The following KDM6A variants were observed in gnomAD, a reference collection of about 807,000 sequenced individuals.
KDM6A encodes lysine-specific demethylase 6A.
A neutral mutation model predicts 117.6 loss-of-function variants in KDM6A; 11 were observed. The observed-to-expected ratio is 0.09, with a 90% CI of 0.06 to 0.15. The LOEUF is 0.15. KDM6A is among the 10% of genes least tolerant of loss of function. KDM6A has a pLI of 1.00. For missense variants in KDM6A, 799 were observed against 1,077.3 expected, an observed-to-expected ratio of 0.74 and a Z score of 3.62; for synonymous variants, 384 against 396.1, an observed-to-expected ratio of 0.97 and a Z score of 0.36.
chrX:45,109,138 TAATA>T (rs1174868830), intron 28 of KDM6A, among the ~76,000 whole-genome samples: 1,220 of 91,530 alleles, frequency 0.013, 15 homozygotes, highest in African/African-American at 0.036. Flanking sequence ...ATAATAATAA[TAATA>T]AATAAATAAA....
At chrX:45,005,932 A>C (rs1392808222) in intron 4 of KDM6A, among the ~76,000 whole-genome samples, 4 of 93,484 alleles carry the variant, frequency 4.3e-5, no homozygotes, top group African/African-American at 1.2e-4. Context: ...AAGCCACCCC[A>C]ACCAAGGAGT....
intron 2 of KDM6A, among the ~76,000 whole-genome samples, chrX:44,937,281 T>G (rs1387592929): frequency 9.0e-6 from 1 of 111,415 alleles, no homozygotes; most frequent in Non-Finnish European, 1.9e-5. Context: ...TGGATTAACA[T>G]GAAAGAAGGA....
At chrX:44,966,137 T>C (rs2038998030) in intron 3 of KDM6A, among the ~76,000 whole-genome samples, 1 of 103,164 alleles carries the variant, frequency 9.7e-6, no homozygotes, top group African/African-American at 3.9e-5. Flanking sequence ...TATATATATA[T>C]TTTTTTTTTA....
At chrX:44,947,279 T>C (rs192621054) in intron 2 of KDM6A, among the ~76,000 whole-genome samples, 8,038 of 111,156 alleles carry the variant, frequency 0.072, 655 homozygotes, top group African/African-American at 0.24. Context: ...GATTTTGGCC[T>C]GTACTTTGGA....
In KDM6A at chrX:44,992,206, C is replaced by CTTTTTT. The variant is rs779979560; in HGVS notation, c.384+17521_384+17526dup. On this transcript the variant is annotated intron_variant, in intron 4 of 29. Transcript: ENST00000611820. ...CGAAATTTAGCAATACTGTCTTCTT[C>CTTTTTT]TTTTTTTTTTTTTTTTTTTTTTTTT... Among the ~76,000 whole-genome samples the CTTTTTT allele has an allele frequency of 3.3e-3, 106 of 32,065 alleles. 10 individuals are homozygous for CTTTTTT. The highest frequency in any genetic ancestry group is 5.0e-3 in the Non-Finnish European group (85 of 17,131). The allele number at this position is 32,065 out of a possible 115,157, so 27.8% of individuals were successfully genotyped here. A position where few individuals can be genotyped will look rare whatever the true frequency, so the allele number is the denominator to read the frequency against.
intron 7 of KDM6A, among the ~76,000 whole-genome samples, chrX:45,035,575 C>T (rs1313636338): frequency 4.5e-5 from 5 of 110,532 alleles, no homozygotes; most frequent in African/African-American, 1.3e-4. Flanking sequence ...ATATGTTTAT[C>T]GATATGTATT....
intron 2 of KDM6A, among the ~76,000 whole-genome samples, chrX:44,905,398 T>C (rs767795432): frequency 8.9e-6 from 1 of 112,485 alleles, no homozygotes; most frequent in South Asian, 3.6e-4. Flanking sequence ...AGTAACATGC[T>C]GTGCCAGATT....
At chrX:45,014,184 C>T (rs954023161) in intron 5 of KDM6A, among the ~76,000 whole-genome samples, 17 of 112,039 alleles carry the variant, frequency 1.5e-4, no homozygotes, top group Non-Finnish European at 2.3e-4. Context: ...GTGTGACCAA[C>T]GTGTGTCTGA....
chrX:45,039,152 A>G (rs1202950814), intron 8 of KDM6A, among the ~76,000 whole-genome samples: 1 of 110,775 alleles, frequency 9.0e-6, no homozygotes, highest in African/African-American at 3.3e-5. Context: ...GGGGAGTTTT[A>G]AAAAATTAAC....
chrX:45,020,478 T>C lies in KDM6A; in HGVS notation c.444-132T>C, dbSNP rs1452355945. On this transcript the variant is annotated intron_variant, in intron 5 of 29. Transcript: ENST00000611820. ...TCAATTTTACTTTTTTAGTATTTAT[T>C]AACATCATTTTTATAAAACCAACAT... 1.9e-5 allele frequency: 13 copies of C among 675,730 alleles called. No individual in the cohort carries two copies. The East Asian group carries it at 4.6e-4, about 24-fold the overall frequency. 55.7% of individuals were successfully genotyped at this position (675,730 alleles called of 1,213,427 possible). A position where few individuals can be genotyped will look rare whatever the true frequency, so the allele number is the denominator to read the frequency against.
intron 6 of KDM6A, among the ~76,000 whole-genome samples, chrX:45,025,553 C>T (rs913454737): frequency 1.5e-4 from 17 of 112,269 alleles, no homozygotes; most frequent in African/African-American, 4.9e-4. Context: ...GCTACCATTA[C>T]TTTAATAAAA....
At chrX:45,037,027 C>T (rs1194329368) in intron 7 of KDM6A, among the ~76,000 whole-genome samples, 4 of 112,538 alleles carry the variant, frequency 3.6e-5, no homozygotes, top group African/African-American at 3.2e-5. Context: ...TAGGCTATTA[C>T]AGTTTAGTAG....
intron 2 of KDM6A, among the ~76,000 whole-genome samples, chrX:44,957,128 C>T (rs1282002810): frequency 9.2e-6 from 1 of 108,818 alleles, no homozygotes; most frequent in Non-Finnish European, 1.9e-5. Context: ...GAAACCCCAT[C>T]TCAAAAAAAA....
chrX:45,099,062 C>T (rs961572128), intron 27 of KDM6A, among the ~76,000 whole-genome samples: 3 of 111,414 alleles, frequency 2.7e-5, no homozygotes, highest in Middle Eastern at 4.6e-3. Flanking sequence ...ATTTATTTAG[C>T]GGTCTCTGTA....
chrX:45,027,356 C>T (rs1319049450), intron 6 of KDM6A, among the ~76,000 whole-genome samples: 1 of 110,872 alleles, frequency 9.0e-6, no homozygotes, highest in Non-Finnish European at 1.9e-5. Context: ...CACACACACA[C>T]ACACACACAC....
intron 4 of KDM6A, among the ~76,000 whole-genome samples, chrX:45,000,168 C>G (rs943277895): frequency 1.6e-4 from 18 of 112,273 alleles, no homozygotes; most frequent in African/African-American, 5.8e-4. Flanking sequence ...CCTAGTTGTT[C>G]AGCTATTCCT....
chrX:45,078,594 T>C, intron 20 of KDM6A, 89 bp downstream of exon 20: 2 of 721,536 alleles, frequency 2.8e-6, no homozygotes, highest in Non-Finnish European at 2.0e-6. Flanking sequence ...TTTTCTTTTT[T>C]TTCTTTTTTC....
chrX:45,002,136 GTT>G (rs1466986650), intron 4 of KDM6A, among the ~76,000 whole-genome samples: 2 of 110,291 alleles, frequency 1.8e-5, no homozygotes, highest in Non-Finnish European at 3.8e-5. Flanking sequence ...ATTTTTGTTA[GTT>G]TTTAGACCGA....
chrX:44,890,311 CTGAGT>C (rs2033234145), intron 2 of KDM6A, among the ~76,000 whole-genome samples: 1 of 112,338 alleles, frequency 8.9e-6, no homozygotes, highest in African/African-American at 3.2e-5. Context: ...TGAAAGACAT[CTGAGT>C]TATTTCCGGT....
Sources: gnomAD v4.1 joint callset for allele counts (sites outside exome capture counted in the v4.1 genomes callset) on GRCh38, gnomAD v4.1.1 for gene constraint, MANE v1.5 for transcripts, NCBI Gene and HGNC (gene_info 2026-07-23, HGNC 2026-07-21) for gene names.